ZMIZ1: variants seen among roughly 807,000 people sequenced by gnomAD.
ZMIZ1 encodes the protein zinc finger MIZ-type containing 1, also known as zinc finger MIZ domain-containing protein 1.
A neutral mutation model predicts 113.9 loss-of-function variants in ZMIZ1; 17 were observed. The ratio of observed to expected loss-of-function variants is 0.15; its 90% CI spans 0.10 to 0.22. ZMIZ1 has a LOEUF of 0.22. Ranked by LOEUF, ZMIZ1 falls within the 10% of genes least tolerant of loss-of-function variation. ZMIZ1 has a pLI of 1.00. For missense variants in ZMIZ1, 1,059 were observed against 1,477.8 expected, an observed-to-expected ratio of 0.72 and a Z score of 4.65; for synonymous variants, 607 against 603.1, an observed-to-expected ratio of 1.01 and a Z score of -0.09.
intron 4 of ZMIZ1, among the ~76,000 whole-genome samples, chr10:79,168,054 C>A (rs769909872): frequency 6.6e-6 from 1 of 152,180 alleles, no homozygotes; most frequent in Admixed American, 6.5e-5. Context: ...GTCAGGCTGG[C>A]GGCAGAACAG....
At chr10:79,174,574 C>A (rs1389748342) in intron 4 of ZMIZ1, among the ~76,000 whole-genome samples, 1 of 152,208 alleles carries the variant, frequency 6.6e-6, no homozygotes, top group Non-Finnish European at 1.5e-5. Flanking sequence ...TGGCTCTGCT[C>A]CCCTGGGTGC....
rs898595312 is a variant in ZMIZ1 at position 79,237,405 on chromosome 10, C to T, written c.280+21131C>T. ...TTGCTAAGGCTGCCATAACAAAGTG[C>T]CACACAGCGGGTGGCTTACACAATA... On this transcript the variant is annotated intron_variant, in intron 7 of 24. Transcript: ENST00000334512. 1.2e-4 allele frequency among the ~76,000 whole-genome samples: 18 copies of T among 152,318 alleles called. 1 individual carries two copies. Among genetic ancestry groups the T allele is most frequent in the Non-Finnish European group, 1.3e-4 (9 of 68,022 alleles).
intron 20 of ZMIZ1, 51 bp downstream of exon 20, chr10:79,305,282 C>A: frequency 6.3e-7 from 1 of 1,594,892 alleles, no homozygotes; most frequent in Non-Finnish European, 8.6e-7. Flanking sequence ...CAACCACAGA[C>A]GGGAGGGGCC....
In ZMIZ1 at chr10:79,299,088, C is replaced by G; in HGVS notation, c.1705C>G (p.Arg569Gly). The G allele has an allele frequency of 2.5e-6, 4 of 1,612,414 alleles. No individual in the cohort carries two copies. Among genetic ancestry groups the G allele is most frequent in the Non-Finnish European group, 3.4e-6 (4 of 1,179,742 alleles). ...NDELRLTFPV[R>G]DGVVLEPFRL... ...CGAGCTGCGGCTCACATTCCCTGTG[C>G]GGGATGGCGTGGTGCTGGAGCCCTT... Residue 569 changes from arginine (R) to glycine (G), a missense_variant, in exon 16 of 25, where the codon CGG (arginine) becomes GGG (glycine). By Grantham distance (125) the Arg-to-Gly change is moderately radical. Coordinates refer to ENST00000334512, the MANE Select transcript of ZMIZ1 (RefSeq NM_020338.4).
Position 79,274,488 on chromosome 10 carries a change from C to T in ZMIZ1, c.281-2693C>T, listed in dbSNP as rs530947340. Among the ~76,000 whole-genome samples the T allele has an allele frequency of 2.0e-4, 30 of 152,358 alleles. No homozygotes were observed. The South Asian group carries it at 2.5e-3, about 13-fold the overall frequency. ...TCCCTGTCAGCCCTCCTGGTTCTCT[C>T]GACAGTGCCCAGACTCTCTTTTTGG... is the stretch of plus-strand genomic sequence containing the variant. On this transcript the variant is annotated intron_variant, in intron 7 of 24. Coordinates refer to ENST00000334512, the MANE Select transcript of ZMIZ1 (RefSeq NM_020338.4).
chr10:79,090,442 C>T (rs1047096846), intron 1 of ZMIZ1, among the ~76,000 whole-genome samples: 1 of 152,164 alleles, frequency 6.6e-6, no homozygotes, highest in African/African-American at 2.4e-5. Flanking sequence ...CTTCTGCCCC[C>T]TCTCAGGGTG....
rs936808158 is a variant in ZMIZ1, at chr10:79,298,637, G to T, written c.1666+57G>T. The T allele has an allele frequency of 2.7e-6, 4 of 1,494,266 alleles. No homozygotes were observed. The African/African-American group carries it at 4.3e-5, about 16-fold the overall frequency. The allele number at this position is 1,494,266 out of a possible 1,614,324, so 92.6% of individuals were successfully genotyped here. ...CCACCTGGGCCCCCCAGTGGGCCGGGAGCAGGGGCTTCGCAGTCAGGCTGC... is the reference window on the plus strand; with the variant it reads ...CCACCTGGGCCCCCCAGTGGGCCGGTAGCAGGGGCTTCGCAGTCAGGCTGC... On this transcript the variant is annotated intron_variant, in intron 15 of 24. Coordinates refer to ENST00000334512, the MANE Select transcript of ZMIZ1 (RefSeq NM_020338.4).
chr10:79,087,090 C>G (rs971815608), intron 1 of ZMIZ1, among the ~76,000 whole-genome samples: 2 of 152,252 alleles, frequency 1.3e-5, no homozygotes, highest in Admixed American at 1.3e-4. Context: ...CCTGCCTTAA[C>G]CCCAGGCCTC....
intron 1 of ZMIZ1, among the ~76,000 whole-genome samples, chr10:79,101,114 A>G (rs1843350714): frequency 6.6e-6 from 1 of 152,108 alleles, no homozygotes; most frequent in Non-Finnish European, 1.5e-5. Context: ...CAGCAAGGAG[A>G]GAGGAGGACC....
intron 1 of ZMIZ1, among the ~76,000 whole-genome samples, chr10:79,094,906 G>A (rs1489761646): frequency 7.3e-5 from 11 of 151,720 alleles, no homozygotes; most frequent in African/African-American, 1.2e-4. Context: ...CCACAGTTGC[G>A]CCACTGCAGT....
At chr10:79,188,654 T>C (rs1847459773) in intron 4 of ZMIZ1, among the ~76,000 whole-genome samples, 1 of 150,166 alleles carries the variant, frequency 6.7e-6, no homozygotes, top group Non-Finnish European at 1.5e-5. Flanking sequence ...CCCAGTCTTT[T>C]ACCCAGCCAG....
intron 2 of ZMIZ1, among the ~76,000 whole-genome samples, chr10:79,133,298 T>C (rs970976672): frequency 4.6e-5 from 7 of 152,256 alleles, no homozygotes. Context: ...TCTGGGTTCC[T>C]GCCTCTGTAC....
intron 4 of ZMIZ1, among the ~76,000 whole-genome samples, chr10:79,196,228 C>T (rs1437248232): frequency 2.0e-5 from 3 of 152,200 alleles, no homozygotes; most frequent in Non-Finnish European, 4.4e-5. Flanking sequence ...TATTAAGAAA[C>T]ACAGGACACA....
At chr10:79,096,368 C>T (rs891055834) in intron 1 of ZMIZ1, among the ~76,000 whole-genome samples, 1 of 152,066 alleles carries the variant, frequency 6.6e-6, no homozygotes, top group Non-Finnish European at 1.5e-5. Context: ...AAAAATTAGC[C>T]AGGTGTGGTG....
At chr10:79,093,271 T>C (rs1017529181) in intron 1 of ZMIZ1, among the ~76,000 whole-genome samples, 1 of 151,568 alleles carries the variant, frequency 6.6e-6, no homozygotes, top group African/African-American at 2.4e-5. Context: ...CGGGAAGGAC[T>C]GCTGTACCCC....
intron 23 of ZMIZ1, among the ~76,000 whole-genome samples, chr10:79,309,985 C>T (rs1425858879): frequency 6.6e-6 from 1 of 152,182 alleles, no homozygotes; most frequent in Non-Finnish European, 1.5e-5. Context: ...CTGCTTGGGA[C>T]AGCAAACAGG....
At chr10:79,159,690 A>C (rs1397644132) in intron 3 of ZMIZ1, among the ~76,000 whole-genome samples, 2 of 152,188 alleles carry the variant, frequency 1.3e-5, no homozygotes, top group Admixed American at 1.3e-4. Context: ...ATATGGACTC[A>C]ATACAGAGTG....
At position 79,118,026 on chromosome 10, in the gene ZMIZ1, T is replaced by A. The variant is rs1844131613; in HGVS notation, c.-336-889T>A. Among the ~76,000 whole-genome samples, 1 of 152,142 alleles carries A rather than the reference T, an allele frequency of 6.6e-6. No homozygotes were observed. Among genetic ancestry groups the A allele is most frequent in the African/African-American group, 2.4e-5 (1 of 41,404 alleles). The stretch of plus-strand genomic sequence containing the variant: ...GCCAGGGGTCTGCAGATGCAGGAAC[T>A]GGGGGGAGACAGCCACACAGCCTCC... On this transcript the variant is annotated intron_variant, in intron 1 of 24. Coordinates refer to ENST00000334512, the MANE Select transcript of ZMIZ1 (RefSeq NM_020338.4). The surrounding 1 kb of genome is among the most constrained non-coding windows in gnomAD (Gnocchi z 4.1).
intron 12 of ZMIZ1, 122 bp downstream of exon 12, chr10:79,293,775 C>T: frequency 4.7e-6 from 7 of 1,480,476 alleles, no homozygotes; most frequent in Non-Finnish European, 5.6e-6. Context: ...GACAAAGAGG[C>T]AGGGGCTTAG....
Sources: allele counts gnomAD v4.1 joint callset (sites outside exome capture counted in the v4.1 genomes callset), GRCh38; gene constraint gnomAD v4.1.1; non-coding constraint Gnocchi (gnomAD v3.1); transcripts MANE v1.5; gene names NCBI Gene and HGNC (gene_info 2026-07-23, HGNC 2026-07-21).